Variants in SYT17 observed in about 807,000 individuals in gnomAD.
SYT17 encodes the protein synaptotagmin-17.
SYT17 carries 22 observed loss-of-function variants against 46.7 expected under a neutral mutation model. The observed-to-expected ratio is 0.47, with a 90% confidence interval of 0.34 to 0.67. The LOEUF is 0.67. SYT17 is among the 30% of genes least tolerant of loss of function. The pLI is 0.01. For missense variants in SYT17, 519 were observed against 612.8 expected, an observed-to-expected ratio of 0.85 and a Z score of 1.62; for synonymous variants, 251 against 248.4, an observed-to-expected ratio of 1.01 and a Z score of -0.10.
chr16:19,214,083 A>C (rs1396384010), intron 5 of SYT17, among the ~76,000 whole-genome samples: 1 of 152,154 alleles, frequency 6.6e-6, no homozygotes, highest in Admixed American at 6.5e-5. Context: ...ACCCTACCCT[A>C]TTCCCCAGTT....
Position 19,183,504 on chromosome 16 carries a change from A to G in SYT17, c.332-24A>G, listed in dbSNP as rs775394873. On this transcript the variant is annotated intron_variant, in intron 4 of 7. Transcript: ENST00000355377. The surrounding 1 kb of genome is among the most constrained non-coding windows in gnomAD (Gnocchi z 5.6). ...GTCTGCCCCGTATGTGGCTGTCTTC[A>G]TTGTTATTTCTGGTGGCTCTCAGGT... 1.2e-6 allele frequency: 2 copies of G among 1,611,668 alleles called. No homozygotes were observed. Among genetic ancestry groups the G allele is most frequent in the Non-Finnish European group, 8.5e-7 (1 of 1,178,190 alleles).
chr16:19,222,520 A>G (rs1243683651), intron 5 of SYT17, among the ~76,000 whole-genome samples: 1 of 130,192 alleles, frequency 7.7e-6, no homozygotes, highest in Non-Finnish European at 1.6e-5. Context: ...TTAAGAACAG[A>G]TTTCTCACTC....
Position 19,168,558 on chromosome 16 carries a change from C to G in SYT17, c.-89C>G, listed in dbSNP as rs918516899. 6.1e-5 allele frequency: 93 copies of G among 1,532,270 alleles called. No homozygotes were observed. Among genetic ancestry groups the G allele is most frequent in the Non-Finnish European group, 7.8e-5 (89 of 1,134,008 alleles). 94.9% of individuals were successfully genotyped at this position (1,532,270 alleles called of 1,614,324 possible). On this transcript the variant is annotated 5_prime_UTR_variant, in exon 1 of 8. Coordinates refer to ENST00000355377, the MANE Select transcript of SYT17 (RefSeq NM_016524.4). This position sits in a 1 kb window ranked among gnomAD's most constrained non-coding sequence, Gnocchi z 6.9. ...CGGCTGCCTTTTTCTTCCTTTCCCC[C>G]TTTGCTTTCTTCCCCCTCCGCTGTT...
At chr16:19,252,158 T>TCAAAACAAAA (rs563439382) in intron 7 of SYT17, among the ~76,000 whole-genome samples, 2,870 of 146,904 alleles carry the variant, frequency 0.02, 73 homozygotes, top group African/African-American at 0.071. Context: ...CAAAACTGTC[T>TCAAAACAAAA]CAAAACAAAA....
chr16:19,173,537 T>A lies in SYT17; in HGVS notation c.141T>A (p.Val47=). Reference sequence around the variant, plus strand: ...GTTGCCAGTCAAGTGAGGATGAAGTTGAAATTCTGGGACCTTTCCCTGCTC... The same window carrying A: ...GTTGCCAGTCAAGTGAGGATGAAGTAGAAATTCTGGGACCTTTCCCTGCTC... ...SSCCQSSEDE[V]EILGPFPAQT... The change falls in exon 3 of 8, where the codon GTT becomes GTA. Residue 47 remains valine, a synonymous_variant. Coordinates refer to ENST00000355377, the MANE Select transcript of SYT17 (RefSeq NM_016524.4). 6.2e-7 allele frequency: 1 copy of A among 1,614,060 alleles called. No individual in the cohort carries two copies. The highest frequency in any genetic ancestry group is 8.5e-7 in the Non-Finnish European group (1 of 1,180,014).
intron 7 of SYT17, among the ~76,000 whole-genome samples, chr16:19,266,224 C>T (rs1161303256): frequency 6.6e-6 from 1 of 152,234 alleles, no homozygotes; most frequent in Non-Finnish European, 1.5e-5. Context: ...GATATTTGGT[C>T]CCATGGCCCA....
intron 5 of SYT17, chr16:19,211,291 CA>C (rs1223442760): frequency 3.1e-6 from 2 of 637,088 alleles, no homozygotes; most frequent in East Asian, 5.6e-5. Context: ...TTGGATAGGA[CA>C]GGGGGTGGAA....
intron 7 of SYT17, among the ~76,000 whole-genome samples, chr16:19,245,625 T>G (rs1446654467): frequency 6.6e-6 from 1 of 152,218 alleles, no homozygotes; most frequent in Non-Finnish European, 1.5e-5. Context: ...ATCCAGAGCA[T>G]GCTGAGTGAG....
intron 7 of SYT17, among the ~76,000 whole-genome samples, chr16:19,260,866 C>T (rs1452619346): frequency 6.6e-6 from 1 of 152,294 alleles, no homozygotes; most frequent in South Asian, 2.1e-4. Flanking sequence ...AAGGAATTGG[C>T]TTCATTCACA....
intron 5 of SYT17, among the ~76,000 whole-genome samples, chr16:19,215,860 C>A (rs903548428): frequency 6.6e-6 from 1 of 152,272 alleles, no homozygotes; most frequent in South Asian, 2.1e-4. Flanking sequence ...GGAAGCCTTG[C>A]AATCATGGCA....
intron 7 of SYT17, among the ~76,000 whole-genome samples, chr16:19,253,521 A>G (rs1968340566): frequency 6.6e-6 from 1 of 152,068 alleles, no homozygotes; most frequent in Non-Finnish European, 1.5e-5. Context: ...ACCTTTAACA[A>G]CTTAGTCCCA....
At chr16:19,182,839 G>C (rs1235175298) in intron 4 of SYT17, among the ~76,000 whole-genome samples, 1 of 152,138 alleles carries the variant, frequency 6.6e-6, no homozygotes, top group African/African-American at 2.4e-5. Context: ...CCCATTTATT[G>C]GTCTGTGCCT....
At chr16:19,223,504 G>A (rs1402762369) in intron 6 of SYT17, among the ~76,000 whole-genome samples, 3 of 152,096 alleles carry the variant, frequency 2.0e-5, no homozygotes, top group African/African-American at 7.2e-5. Flanking sequence ...AAGGTTTTTC[G>A]CCAGCTCATT....
intron 5 of SYT17, among the ~76,000 whole-genome samples, chr16:19,190,768 CTGTGTGTGTGTGTGTGTGTGTGTG>C (rs56947560): frequency 1.4e-5 from 2 of 144,722 alleles, no homozygotes; most frequent in Non-Finnish European, 3.0e-5. Flanking sequence ...AATAATATTC[CTGTGTGTGTGTGTGTGTGTGTGTG>C]TGTGTGTGTG....
At chr16:19,188,918 G>A (rs1443273626) in intron 5 of SYT17, among the ~76,000 whole-genome samples, 2 of 152,022 alleles carry the variant, frequency 1.3e-5, no homozygotes, top group Non-Finnish European at 2.9e-5. Flanking sequence ...GATGAGTGCT[G>A]CTCTGTCGCC....
chr16:19,172,613 T>C, intron 1 of SYT17, 147 bp from the exon 2 acceptor site: 1 of 1,532,616 alleles, frequency 6.5e-7, no homozygotes. Context: ...CTTCCCAGGA[T>C]GGTAAGTGGA....
intron 3 of SYT17, among the ~76,000 whole-genome samples, chr16:19,176,254 A>G (rs1339425671): frequency 1.3e-5 from 2 of 152,168 alleles, no homozygotes; most frequent in Non-Finnish European, 2.9e-5. Context: ...AAAAACGAAC[A>G]AACAAACAAA....
chr16:19,260,336 CA>C (rs34504914), intron 7 of SYT17, among the ~76,000 whole-genome samples: 429 of 22,894 alleles, frequency 0.019, 13 homozygotes, highest in African/African-American at 0.071. Flanking sequence ...CAGAAAATAC[CA>C]AAAAAAAAAA....
chr16:19,257,628 T>C (rs1313394753), intron 7 of SYT17, among the ~76,000 whole-genome samples: 1 of 152,158 alleles, frequency 6.6e-6, no homozygotes, highest in East Asian at 1.9e-4. Flanking sequence ...AACACCCTGA[T>C]GATGGGCTGT....
Sources: gnomAD v4.1 joint callset for allele counts (sites outside exome capture counted in the v4.1 genomes callset) on GRCh38, gnomAD v4.1.1 for gene constraint, Gnocchi (gnomAD v3.1) non-coding constraint, MANE v1.5 for transcripts, NCBI Gene and HGNC (gene_info 2026-07-23, HGNC 2026-07-21) for gene names.